Variants in CTIF observed in about 807,000 individuals in gnomAD.
CTIF encodes cap binding complex dependent translation initiation factor, also known as CBP80/20-dependent translation initiation factor.
In CTIF, 21 loss-of-function variants were observed where a neutral mutation model predicts 66.0. The observed-to-expected ratio is 0.32, with a 90% CI of 0.23 to 0.46. CTIF has a LOEUF of 0.46. CTIF is among the 20% of genes least tolerant of loss of function. The pLI is 1.00. For missense variants in CTIF, 739 were observed against 812.7 expected, an observed-to-expected ratio of 0.91 and a Z score of 1.10; for synonymous variants, 345 against 326.4, an observed-to-expected ratio of 1.06 and a Z score of -0.62.
rs186610802 is a variant in CTIF at position 48,690,132 on chromosome 18, A to G, written c.507+19388A>G. The stretch of plus-strand genomic sequence containing the variant: ...TGTCTTCTTTGCCATTGTGTTTCTT[A>G]TAGGTGACACTCTCTCCCCCATCTC... On this transcript the variant is annotated intron_variant, in intron 6 of 11. Transcript: ENST00000256413. Among the ~76,000 whole-genome samples, 5 of 152,118 alleles carry G rather than the reference A, an allele frequency of 3.3e-5. No individual in the cohort carries two copies. The East Asian group carries it at 9.7e-4, about 29-fold the overall frequency.
intron 6 of CTIF, among the ~76,000 whole-genome samples, chr18:48,678,591 CT>C (rs11292317): frequency 0.62 from 88,323 of 143,426 alleles, 26,858 homozygotes; most frequent in East Asian, 0.76. Flanking sequence ...ATTTGTGAGT[CT>C]TTTTTTTTTT....
chr18:48,672,306 G>A (rs1355018093), intron 6 of CTIF, among the ~76,000 whole-genome samples: 1 of 152,076 alleles, frequency 6.6e-6, no homozygotes, highest in East Asian at 2.0e-4. Context: ...CTGAGGGTCA[G>A]CTGGCCTAGC....
At chr18:48,583,467 G>C in intron 1 of CTIF, among the ~76,000 whole-genome samples, 1 of 152,138 alleles carries the variant, frequency 6.6e-6, no homozygotes, top group African/African-American at 2.4e-5. Flanking sequence ...AGTTTGGTGG[G>C]GAAAGGAGTC....
At chr18:48,674,026 G>A (rs1325896438) in intron 6 of CTIF, among the ~76,000 whole-genome samples, 5 of 152,182 alleles carry the variant, frequency 3.3e-5, no homozygotes, top group Non-Finnish European at 7.3e-5. Context: ...GCAGGGGAGC[G>A]GGAAGAAGGG....
intron 10 of CTIF, among the ~76,000 whole-genome samples, chr18:48,838,068 ATT>A (rs10708184): frequency 6.3e-4 from 95 of 150,344 alleles, no homozygotes; most frequent in Non-Finnish European, 1.2e-3. Context: ...AGAAGAACTG[ATT>A]TTTTTTTTTC....
intron 6 of CTIF, among the ~76,000 whole-genome samples, chr18:48,703,763 T>TCCACCA (rs556233431): frequency 6.6e-6 from 1 of 152,036 alleles, no homozygotes; most frequent in Non-Finnish European, 1.5e-5. Flanking sequence ...GGACTCCCCC[T>TCCACCA]CCACCACCAC....
chr18:48,699,846 C>T (rs138432337), intron 6 of CTIF, among the ~76,000 whole-genome samples: 133 of 152,314 alleles, frequency 8.7e-4, no homozygotes, highest in African/African-American at 2.5e-3. Context: ...CCAGCTCCTG[C>T]GGTAAGTGGC....
chr18:48,666,105 C>G (rs1294316113), intron 5 of CTIF, among the ~76,000 whole-genome samples: 1 of 152,196 alleles, frequency 6.6e-6, no homozygotes, highest in Non-Finnish European at 1.5e-5. Context: ...ACATCCCCAC[C>G]AGCACTTGTG....
In CTIF at chr18:48,664,433, C is replaced by T; in HGVS notation, c.327-14C>T. On this transcript the variant is annotated splice_polypyrimidine_tract_variant and intron_variant, in intron 4 of 11. Transcript: ENST00000256413. ...CCCTCTTGCCTCCGTTTCTCACCCT[C>T]CCTCGCCCTCTAGTGGTGCCACCTG... 2 of 1,609,920 alleles carry T rather than the reference C, an allele frequency of 1.2e-6. No individual in the cohort carries two copies. Among genetic ancestry groups the T allele is most frequent in the Non-Finnish European group, 1.7e-6 (2 of 1,176,830 alleles).
At chr18:48,655,758 C>A (rs78755066) in intron 3 of CTIF, among the ~76,000 whole-genome samples, 1 of 152,100 alleles carries the variant, frequency 6.6e-6, no homozygotes, top group African/African-American at 2.4e-5. Flanking sequence ...CCACACCAGC[C>A]TGCCCTAGAA....
At chr18:48,785,756 A>G (rs1000124644) in intron 9 of CTIF, among the ~76,000 whole-genome samples, 2 of 152,174 alleles carry the variant, frequency 1.3e-5, no homozygotes, top group Admixed American at 6.5e-5. Flanking sequence ...CCAAATTTCT[A>G]TGGGGTACCT....
chr18:48,675,886 A>G (rs369701428), intron 6 of CTIF, among the ~76,000 whole-genome samples: 1 of 152,196 alleles, frequency 6.6e-6, no homozygotes, highest in Non-Finnish European at 1.5e-5. Context: ...TCCATAGTCT[A>G]AGCCGAGTTA....
intron 2 of CTIF, among the ~76,000 whole-genome samples, chr18:48,629,626 T>A (rs182602311): frequency 2.8e-5 from 4 of 142,208 alleles, no homozygotes; most frequent in African/African-American, 1.1e-4. Context: ...CCCAGTAATA[T>A]TGTTTAGAGC....
chr18:48,664,408 C>T (rs2091399465), intron 4 of CTIF, 39 bp from the exon 5 acceptor site: 3 of 1,550,052 alleles, frequency 1.9e-6, no homozygotes, highest in African/African-American at 1.4e-5. Flanking sequence ...TGGGCTGTTG[C>T]CCTCTTGCCT....
rs536589724 is a variant in CTIF, at chr18:48,655,127, A to AAAT, written c.253-8610_253-8608dup. Among the ~76,000 whole-genome samples, 8 of 151,726 alleles carry AAAT rather than the reference A, an allele frequency of 5.3e-5. No individual in the cohort carries two copies. In the East Asian group the frequency reaches 7.7e-4, roughly 15 times the overall value. ...CCCTAGAACTTAAAGTATAATTTAAAAATAATAATAATAATAAAAATACAA... is the reference window on the plus strand; with the variant it reads ...CCCTAGAACTTAAAGTATAATTTAAAAATAATAATAATAATAATAAAAATACAA... On this transcript the variant is annotated intron_variant, in intron 3 of 11. Coordinates refer to ENST00000256413, the MANE Select transcript of CTIF (RefSeq NM_014772.3).
intron 3 of CTIF, among the ~76,000 whole-genome samples, chr18:48,644,707 C>G (rs1021687221): frequency 6.6e-6 from 1 of 152,202 alleles, no homozygotes; most frequent in Non-Finnish European, 1.5e-5. Flanking sequence ...CTGGAATCTG[C>G]TTAGGGAAAT....
chr18:48,606,002 C>T (rs1204244580), intron 1 of CTIF, among the ~76,000 whole-genome samples: 1 of 152,198 alleles, frequency 6.6e-6, no homozygotes, highest in Non-Finnish European at 1.5e-5. Flanking sequence ...ATACCTGAAC[C>T]TTCTATGTGG....
rs149737960 is a variant in CTIF, at chr18:48,840,074, C to T, written c.1528-17514C>T. On this transcript the variant is annotated intron_variant, in intron 10 of 11. Coordinates refer to ENST00000256413, the MANE Select transcript of CTIF (RefSeq NM_014772.3). ...CTGGGAGTGGTGAGTCTTCTGGCTACGGAGGTCAGAGAAGATCAGGGAAGG... is the reference window on the plus strand; with the variant it reads ...CTGGGAGTGGTGAGTCTTCTGGCTATGGAGGTCAGAGAAGATCAGGGAAGG... Among the ~76,000 whole-genome samples, 546 of 152,218 alleles carry T rather than the reference C, an allele frequency of 3.6e-3. 3 individuals carry two copies. The highest frequency in any genetic ancestry group is 0.012 in the African/African-American group (515 of 41,524).
At chr18:48,618,170 C>A (rs569930206) in intron 1 of CTIF, among the ~76,000 whole-genome samples, 189 of 152,352 alleles carry the variant, frequency 1.2e-3, no homozygotes, top group Non-Finnish European at 2.4e-3. Context: ...AAACACTCAA[C>A]AAACCCTAGA....
Sources: gnomAD v4.1 joint callset for allele counts (sites outside exome capture counted in the v4.1 genomes callset) on GRCh38, gnomAD v4.1.1 for gene constraint, MANE v1.5 for transcripts, NCBI Gene and HGNC (gene_info 2026-07-23, HGNC 2026-07-21) for gene names.